Variants in EPG5 observed in about 807,000 individuals in gnomAD.
The protein encoded by EPG5 is ectopic P-granules 5 autophagy tethering factor.
A neutral mutation model predicts 302.7 loss-of-function variants in EPG5; 159 were observed. That is an observed-to-expected ratio of 0.53 (90% confidence interval 0.46 to 0.60). The LOEUF is 0.60. Ranked by LOEUF, EPG5 falls within the 20% of genes least tolerant of loss-of-function variation. The pLI is 0.00. For synonymous variants in EPG5, 1,158 were observed against 1,136.8 expected (o/e 1.02, Z -0.37); for missense variants, 2,896 against 3,092.4 (o/e 0.94, Z 1.51).
chr18:45,922,330 C>G lies in EPG5; in HGVS notation c.3098+11G>C. Reference sequence around the variant, plus strand: ...GTTCAGTAACCCTAGTGGTTCAGCCCAACACTGTACCTGTGGCCCACAGCT... The same window carrying G: ...GTTCAGTAACCCTAGTGGTTCAGCCGAACACTGTACCTGTGGCCCACAGCT... On this transcript the variant is annotated intron_variant, in intron 16 of 43. Transcript: ENST00000282041. 6.2e-7 allele frequency: 1 copy of G among 1,613,774 alleles called. No individual in the cohort carries two copies. The highest frequency in any genetic ancestry group is 2.2e-5 in the East Asian group (1 of 44,870).
intron 8 of EPG5, among the ~76,000 whole-genome samples, 180 bp downstream of exon 8, chr18:45,943,825 G>A (rs926622643): frequency 2.0e-5 from 3 of 152,058 alleles, no homozygotes; most frequent in Non-Finnish European, 4.4e-5. Context: ...GGAGGCTGAG[G>A]CAGGAGAATG....
At chr18:45,915,661 G>A in intron 19 of EPG5, 40 bp from the exon 20 acceptor site, 1 of 1,491,130 alleles carries the variant, frequency 6.7e-7, no homozygotes. Flanking sequence ...GAGGTTTTAA[G>A]GAAAATCTTA....
intron 26 of EPG5, among the ~76,000 whole-genome samples, chr18:45,899,889 C>T (rs1428979680): frequency 6.6e-6 from 1 of 152,238 alleles, no homozygotes. Flanking sequence ...CTTCATCACC[C>T]TCAAGGGGTG....
At chr18:45,841,961 T>A in the EPG5 span, 1 of 747,008 alleles carries the variant, frequency 1.3e-6, no homozygotes, top group East Asian at 2.7e-5. Context: ...CAGCCTCCGA[T>A]GCCATTCATC....
At chr18:45,890,076 T>C (rs941455951) in intron 27 of EPG5, 136 bp from the exon 28 acceptor site, 42 of 588,564 alleles carry the variant, frequency 7.1e-5, no homozygotes, top group Admixed American at 4.1e-4. Flanking sequence ...CCTTATAAAC[T>C]GGTAAGATCT....
intron 4 of EPG5, among the ~76,000 whole-genome samples, chr18:45,949,958 T>C (rs909172377): frequency 5.3e-5 from 8 of 152,174 alleles, no homozygotes; most frequent in Admixed American, 3.9e-4. Context: ...AGAACTCTAG[T>C]ACAAACCTAA....
intron 38 of EPG5, among the ~76,000 whole-genome samples, chr18:45,866,393 T>A: frequency 6.6e-6 from 1 of 152,144 alleles, no homozygotes; most frequent in East Asian, 1.9e-4. Context: ...AGTGCTGGGA[T>A]TACAGGCGTG....
At chr18:45,924,780 C>A (rs1032885251) in intron 14 of EPG5, among the ~76,000 whole-genome samples, 2 of 152,210 alleles carry the variant, frequency 1.3e-5, no homozygotes, top group African/African-American at 4.8e-5. Context: ...CAACTCTATG[C>A]GCAGTGGCAC....
At chr18:45,950,901 G>C (rs1391814547) in intron 4 of EPG5, among the ~76,000 whole-genome samples, 2 of 152,056 alleles carry the variant, frequency 1.3e-5, no homozygotes, top group African/African-American at 4.8e-5. Flanking sequence ...ATCTTTACTA[G>C]AGAGAAACAT....
At chr18:45,804,216 G>A in the EPG5 span, among the ~76,000 whole-genome samples, 1 of 152,096 alleles carries the variant, frequency 6.6e-6, no homozygotes, top group Non-Finnish European at 1.5e-5. Context: ...GAAAGAGTAG[G>A]TGAATCTAAA....
chr18:45,898,864 C>T (rs954457138), intron 27 of EPG5, among the ~76,000 whole-genome samples: 1 of 152,202 alleles, frequency 6.6e-6, no homozygotes, highest in Non-Finnish European at 1.5e-5. Flanking sequence ...CGGTGGCTCA[C>T]GCCTGTAATG....
Position 45,860,403 on chromosome 18 carries a change from A to G in EPG5, c.6767-57T>C, listed in dbSNP as rs951193783. 6 of 1,607,256 alleles carry G rather than the reference A, an allele frequency of 3.7e-6. No homozygotes were observed. The African/African-American group carries it at 5.3e-5, about 14-fold the overall frequency. Reference sequence around the variant, plus strand: ...CTGCCAGAAAGGTACTATCCATGTGATCAGGAGAATAACAGTGCTTCAATC... The same window carrying G: ...CTGCCAGAAAGGTACTATCCATGTGGTCAGGAGAATAACAGTGCTTCAATC... On this transcript the variant is annotated intron_variant, in intron 39 of 43. Transcript: ENST00000282041.
chr18:45,868,960 C>T (rs1456950993), intron 36 of EPG5, among the ~76,000 whole-genome samples: 2 of 150,522 alleles, frequency 1.3e-5, no homozygotes, highest in African/African-American at 4.9e-5. Flanking sequence ...GAGGCTGAGG[C>T]AGGAGAATGG....
At position 45,899,422 on chromosome 18, in the gene EPG5, G is replaced by A. The variant is rs368086133; in HGVS notation, c.4791C>T (p.Ala1597=). 5.0e-4 allele frequency: 811 copies of A among 1,614,074 alleles called. No homozygotes were observed. The highest frequency in any genetic ancestry group is 6.3e-4 in the Non-Finnish European group (744 of 1,180,024). ...CACTTACCTGAACCGTGACAACTGC[G>A]GCTCCTTGGCATTTCTTACCGCTGC... ...RGSSGKKCQG[A]AVVTVQFEGM... is the part of the protein sequence containing the mutation. Residue 1597 remains alanine (A), a synonymous_variant, in exon 27 of 44, where the codon GCC becomes GCT. Transcript: ENST00000282041.
intron 9 of EPG5, among the ~76,000 whole-genome samples, 164 bp downstream of exon 9, chr18:45,942,997 A>G (rs1261321634): frequency 6.6e-6 from 1 of 152,222 alleles, no homozygotes; most frequent in Non-Finnish European, 1.5e-5. Context: ...ACTGGAAGCA[A>G]TTATGAAATT....
chr18:45,957,893 C>T (rs954924149), intron 1 of EPG5, among the ~76,000 whole-genome samples: 6 of 152,146 alleles, frequency 3.9e-5, no homozygotes, highest in African/African-American at 9.7e-5. Context: ...AAACCAGGCA[C>T]GGGCTGACCC....
chr18:45,818,370 G>A, the EPG5 span, among the ~76,000 whole-genome samples: 1 of 152,014 alleles, frequency 6.6e-6, no homozygotes, highest in Admixed American at 6.6e-5. Flanking sequence ...TGGATAAGGG[G>A]ATACACACAT....
the EPG5 span, among the ~76,000 whole-genome samples, chr18:45,816,805 A>T: frequency 5.0e-4 from 76 of 152,336 alleles, no homozygotes; most frequent in African/African-American, 1.5e-3. Flanking sequence ...TACAAAAAAG[A>T]TACTTGCACA....
At chr18:45,947,226 G>A (rs1156648908) in intron 6 of EPG5, among the ~76,000 whole-genome samples, 4 of 151,984 alleles carry the variant, frequency 2.6e-5, no homozygotes, top group Non-Finnish European at 4.4e-5. Flanking sequence ...CATCCTGGCC[G>A]ACATGGTGAA....
Sources: allele counts gnomAD v4.1 joint callset (sites outside exome capture counted in the v4.1 genomes callset), GRCh38; gene constraint gnomAD v4.1.1; transcripts MANE v1.5; gene names NCBI Gene and HGNC (gene_info 2026-07-23, HGNC 2026-07-21).